Variants in BDNF observed in about 807,000 individuals in gnomAD.
BDNF encodes neurotrophic factor BDNF precursor form.
BDNF carries 1 observed loss-of-function variant against 19.5 expected under a neutral mutation model. The observed-to-expected ratio is 0.05, with a 90% CI of 0.02 to 0.24. BDNF has a LOEUF of 0.24. Ranked by LOEUF, BDNF falls within the 10% of genes least tolerant of loss-of-function variation. BDNF has a pLI of 1.00. For missense variants in BDNF, 195 were observed against 317.6 expected, an observed-to-expected ratio of 0.61 and a Z score of 2.93; for synonymous variants, 100 against 121.6, an observed-to-expected ratio of 0.82 and a Z score of 1.17.
intron 1 of BDNF, among the ~76,000 whole-genome samples, chr11:27,668,895 C>T (rs932196836): frequency 5.3e-5 from 8 of 152,116 alleles, no homozygotes; most frequent in African/African-American, 1.9e-4. Flanking sequence ...GGGAATCCTC[C>T]CTAACTCATT....
intron 1 of BDNF, among the ~76,000 whole-genome samples, chr11:27,716,393 C>T (rs1344601697): frequency 2.0e-5 from 3 of 151,066 alleles, no homozygotes; most frequent in Non-Finnish European, 4.4e-5. Context: ...AGACTCACTG[C>T]TTGTTAAATT....
chr11:27,686,984 A>G (rs1294009576), intron 1 of BDNF, among the ~76,000 whole-genome samples: 1 of 152,068 alleles, frequency 6.6e-6, no homozygotes, highest in East Asian at 1.9e-4. Flanking sequence ...CTCCTGGATA[A>G]TATCCTAAGG....
At chr11:27,720,727 G>A in intron 1 of BDNF, 1 of 985,980 alleles carries the variant, frequency 1.0e-6, no homozygotes, top group Non-Finnish European at 1.2e-6. Flanking sequence ...TACACACCCG[G>A]CACAGCAGGA....
At chr11:27,697,160 C>CAGAGAGAGAG (rs1362364179) in intron 1 of BDNF, among the ~76,000 whole-genome samples, 164 of 117,910 alleles carry the variant, frequency 1.4e-3, no homozygotes, top group South Asian at 8.6e-3. Flanking sequence ...CACACACACA[C>CAGAGAGAGAG]ACACAGAGAG....
chr11:27,668,732 A>T (rs1350693488), intron 1 of BDNF, among the ~76,000 whole-genome samples: 5 of 152,240 alleles, frequency 3.3e-5, no homozygotes, highest in Non-Finnish European at 7.3e-5. Flanking sequence ...ATCTCTTAAT[A>T]GACCAATAAC....
At chr11:27,699,687 G>T in intron 1 of BDNF, 1 of 1,407,472 alleles carries the variant, frequency 7.1e-7, no homozygotes, top group Non-Finnish European at 9.2e-7. Context: ...GGGAAGGGAT[G>T]CGGGCTGAAG....
intron 1 of BDNF, chr11:27,676,039 T>C (rs955505441): frequency 6.6e-6 from 1 of 152,212 alleles, no homozygotes; most frequent in African/African-American, 2.4e-5. Flanking sequence ...ACACCTTGCT[T>C]CTGGCCATTG....
chr11:27,718,436 C>T (rs1860612366), intron 1 of BDNF, among the ~76,000 whole-genome samples: 1 of 147,738 alleles, frequency 6.8e-6, no homozygotes, highest in African/African-American at 2.5e-5. Context: ...TAAAACAGCA[C>T]CATCTGGGAA....
chr11:27,670,592 G>T (rs1011587560), intron 1 of BDNF, among the ~76,000 whole-genome samples: 1 of 152,094 alleles, frequency 6.6e-6, no homozygotes, highest in Admixed American at 6.6e-5. Context: ...TCAAAAAGTG[G>T]GTGAAGGATA....
chr11:27,659,255 C>T (rs1853007222), intron 1 of BDNF: 1 of 965,274 alleles, frequency 1.0e-6, no homozygotes, highest in East Asian at 1.2e-4. Flanking sequence ...CCATAGAAGA[C>T]TTGCCTTATG....
At chr11:27,674,673 C>T (rs865923130) in intron 1 of BDNF, 6 of 985,376 alleles carry the variant, frequency 6.1e-6, no homozygotes, top group East Asian at 1.1e-4. Flanking sequence ...TTCAATTTGG[C>T]GGTACTGTGA....
At chr11:27,701,284 AAAAC>A, upstream of BDNF, 1 of 1,131,298 alleles carries the variant, frequency 8.8e-7, no homozygotes, top group Non-Finnish European at 1.1e-6. Flanking sequence ...AGAAAGAAAG[AAAAC>A]AAACCCACCT....
chr11:27,669,539 G>A (rs929653221), intron 1 of BDNF, among the ~76,000 whole-genome samples: 3 of 152,182 alleles, frequency 2.0e-5, no homozygotes, highest in African/African-American at 7.2e-5. Context: ...TCCTTAAGCT[G>A]ATAAGCAACT....
intron 1 of BDNF, among the ~76,000 whole-genome samples, chr11:27,684,700 C>T (rs958656495): frequency 1.3e-5 from 2 of 152,002 alleles, no homozygotes; most frequent in Non-Finnish European, 2.9e-5. Flanking sequence ...GATGGATTAT[C>T]TTTATTGATT....
In BDNF at chr11:27,656,783, T is replaced by C. The variant is rs755899586; in HGVS notation, c.*1038A>G. On this transcript the variant is annotated 3_prime_UTR_variant, in exon 2 of 2. Transcript: ENST00000356660. ...TCCTCATAAAAAATAATCTTCATTT[T>C]GGGGTTATTTTTTGTTGTTTTCTGT... is the stretch of plus-strand genomic sequence containing the variant. 1.4e-5 allele frequency: 14 copies of C among 985,370 alleles called. No individual in the cohort carries two copies. The highest frequency in any genetic ancestry group is 1.7e-5 in the Non-Finnish European group (14 of 829,914). 61.0% of individuals were successfully genotyped at this position (985,370 alleles called of 1,614,324 possible).
intron 1 of BDNF, among the ~76,000 whole-genome samples, chr11:27,685,184 A>G (rs1857323393): frequency 6.6e-6 from 1 of 152,144 alleles, no homozygotes; most frequent in South Asian, 2.1e-4. Context: ...TTATTTGCAT[A>G]GAGGTGTTTA....
chr11:27,720,575 C>A lies in BDNF; in HGVS notation c.3+837G>T, dbSNP rs80128513. The A allele has an allele frequency of 0.016, 15,918 of 985,606 alleles. 1,924 individuals are homozygous for A. In the African/African-American group the frequency reaches 0.25, roughly 16 times the overall value. The allele number at this position is 985,606 out of a possible 1,614,324, so 61.1% of individuals were successfully genotyped here. ...CTCCAGCCCCGATCTCAGTGTGAGCCGAACCTCAGAAAAGACGCTTTTTAA... is the reference window on the plus strand; with the variant it reads ...CTCCAGCCCCGATCTCAGTGTGAGCAGAACCTCAGAAAAGACGCTTTTTAA... On this transcript the variant is annotated intron_variant, in intron 1 of 1. Coordinates refer to the BDNF transcript ENST00000314915.
chr11:27,657,533 ATTTTT>A lies in BDNF; in HGVS notation c.*283_*287del. 8.6e-7 allele frequency: 1 copy of A among 1,158,374 alleles called. No homozygotes were observed. Among genetic ancestry groups the A allele is most frequent in the Non-Finnish European group, 1.1e-6 (1 of 938,140 alleles). 71.8% of individuals were successfully genotyped at this position (1,158,374 alleles called of 1,614,324 possible). On this transcript the variant is annotated 3_prime_UTR_variant, in exon 2 of 2. Coordinates refer to ENST00000356660, the MANE Select transcript of BDNF (RefSeq NM_001709.5). This position sits in a 1 kb window ranked among gnomAD's most constrained non-coding sequence, Gnocchi z 5.0. ...CAATTAAAGCAGCATGCAATTTATT[ATTTTT>A]TTTAACTTTTTATGTTTTCAGTTCT...
chr11:27,677,378 C>G (rs1222925892), intron 1 of BDNF: 1 of 152,130 alleles, frequency 6.6e-6, no homozygotes, highest in Non-Finnish European at 1.5e-5. Flanking sequence ...ATGGAAAGCT[C>G]TCTGGTATAT....
Sources: gnomAD v4.1 joint callset for allele counts (sites outside exome capture counted in the v4.1 genomes callset) on GRCh38, gnomAD v4.1.1 for gene constraint, Gnocchi (gnomAD v3.1) non-coding constraint, MANE v1.5 for transcripts, NCBI Gene and HGNC (gene_info 2026-07-23, HGNC 2026-07-21) for gene names.